CCNY: variants seen among roughly 807,000 people sequenced by gnomAD.
CCNY encodes the protein cyclin-Y.
CCNY carries 19 observed loss-of-function variants against 42.8 expected under a neutral mutation model. The observed-to-expected ratio is 0.44, with a 90% CI of 0.31 to 0.65. The LOEUF (loss-of-function observed/expected upper bound fraction) is 0.65. Ranked by LOEUF, CCNY falls within the 30% of genes least tolerant of loss-of-function variation. The pLI, the probability that CCNY is intolerant of heterozygous loss-of-function variation, is 0.07. For missense variants in CCNY, 370 were observed against 437.3 expected, an observed-to-expected ratio of 0.85 and a Z score of 1.37; for synonymous variants, 165 against 162.7, an observed-to-expected ratio of 1.01 and a Z score of -0.11.
chr10:35,366,721 C>G (rs1247824387), intron 1 of CCNY, among the ~76,000 whole-genome samples: 1 of 152,222 alleles, frequency 6.6e-6, no homozygotes, highest in Admixed American at 6.5e-5. Context: ...GTTATTAGAG[C>G]TTTCTGTGAT....
At chr10:35,430,472 G>GAGAA (rs1838366689) in intron 1 of CCNY, among the ~76,000 whole-genome samples, 1 of 152,060 alleles carries the variant, frequency 6.6e-6, no homozygotes, top group Non-Finnish European at 1.5e-5. Flanking sequence ...AGGAAAGAGG[G>GAGAA]AGAATGTGAT....
At chr10:35,253,041 T>C (rs2095713028) in intron 3 of CCNY, among the ~76,000 whole-genome samples, 1 of 152,174 alleles carries the variant, frequency 6.6e-6, no homozygotes, top group African/African-American at 2.4e-5. Flanking sequence ...CTTCTATTTA[T>C]GACAAAAATT....
At chr10:35,341,582 A>G (rs1016263987) in intron 1 of CCNY, among the ~76,000 whole-genome samples, 1 of 152,248 alleles carries the variant, frequency 6.6e-6, no homozygotes, top group African/African-American at 2.4e-5. Flanking sequence ...TACTATAAAT[A>G]TTTGTTGAAT....
chr10:35,348,719 T>C (rs190467081), intron 1 of CCNY, among the ~76,000 whole-genome samples: 1 of 152,308 alleles, frequency 6.6e-6, no homozygotes, highest in East Asian at 1.9e-4. Context: ...GGTGCTTTTA[T>C]TCTTAGCGAT....
At chr10:35,395,252 ATTGT>A (rs1379472569) in intron 1 of CCNY, among the ~76,000 whole-genome samples, 1 of 152,154 alleles carries the variant, frequency 6.6e-6, no homozygotes. Context: ...GTGTTGTTCC[ATTGT>A]TAGAGAAAAA....
chr10:35,549,563 G>A (rs878933249), intron 7 of CCNY, among the ~76,000 whole-genome samples: 4 of 145,434 alleles, frequency 2.8e-5, no homozygotes, highest in Non-Finnish European at 6.0e-5. Flanking sequence ...GTGACCCTGC[G>A]CTGCTCATGA....
At chr10:35,479,981 G>A (rs188002976) in intron 1 of CCNY, among the ~76,000 whole-genome samples, 6 of 151,978 alleles carry the variant, frequency 3.9e-5, no homozygotes, top group African/African-American at 1.4e-4. Context: ...TTCTGAGAAT[G>A]GTGGCTTTTC....
At chr10:35,263,847 A>G (rs1381082392) in intron 3 of CCNY, among the ~76,000 whole-genome samples, 2 of 152,220 alleles carry the variant, frequency 1.3e-5, no homozygotes, top group East Asian at 1.9e-4. Flanking sequence ...TACTCCCCCA[A>G]CAGGCCCTAG....
intron 1 of CCNY, among the ~76,000 whole-genome samples, chr10:35,450,283 G>C (rs1412398472): frequency 1.3e-5 from 2 of 152,138 alleles, no homozygotes; most frequent in African/African-American, 4.8e-5. Flanking sequence ...TTTGAGAGCA[G>C]GGAGTCCTTT....
intron 1 of CCNY, among the ~76,000 whole-genome samples, chr10:35,416,734 G>C (rs951101336): frequency 5.3e-5 from 8 of 152,074 alleles, no homozygotes; most frequent in African/African-American, 1.9e-4. Context: ...GGCTGAAATG[G>C]GGCCCAGTTG....
chr10:35,449,968 G>A (rs1349651792), intron 1 of CCNY, among the ~76,000 whole-genome samples: 1 of 152,204 alleles, frequency 6.6e-6, no homozygotes, highest in African/African-American at 2.4e-5. Context: ...CTCCAGCTGT[G>A]TACAGCTGCT....
At chr10:35,486,624 C>T (rs1839793640) in intron 2 of CCNY, among the ~76,000 whole-genome samples, 1 of 152,242 alleles carries the variant, frequency 6.6e-6, no homozygotes, top group South Asian at 2.1e-4. Flanking sequence ...CTTAACCTTT[C>T]TCAAGGGCTC....
intron 1 of CCNY, among the ~76,000 whole-genome samples, chr10:35,424,992 C>T (rs559916075): frequency 3.9e-5 from 6 of 152,282 alleles, no homozygotes; most frequent in East Asian, 3.9e-4. Flanking sequence ...GCTCCCACCC[C>T]GGTACAATGG....
chr10:35,302,250 CA>C (rs1835546204), intron 3 of CCNY, among the ~76,000 whole-genome samples: 1 of 150,984 alleles, frequency 6.6e-6, no homozygotes, highest in Non-Finnish European at 1.5e-5. Flanking sequence ...TGTAAGCCAC[CA>C]CGCCCATCCT....
chr10:35,269,633 TTTG>T (rs1835136544), intron 3 of CCNY, among the ~76,000 whole-genome samples: 1 of 118,228 alleles, frequency 8.5e-6, no homozygotes, highest in East Asian at 2.1e-4. Flanking sequence ...TTTTTTTTGT[TTTG>T]TTTTTTTTTT....
chr10:35,525,738 C>T (rs1840638485), intron 4 of CCNY, among the ~76,000 whole-genome samples: 1 of 151,840 alleles, frequency 6.6e-6, no homozygotes, highest in Non-Finnish European at 1.5e-5. Flanking sequence ...ACTTGAAGTT[C>T]TTTTGTTTCT....
At chr10:35,445,771 T>G (rs779927148) in intron 1 of CCNY, among the ~76,000 whole-genome samples, 1 of 152,244 alleles carries the variant, frequency 6.6e-6, no homozygotes, top group African/African-American at 2.4e-5. Flanking sequence ...ATAATCCTGC[T>G]GATACTTGTT....
intron 2 of CCNY, 116 bp from the exon 3 acceptor site, chr10:35,501,385 G>A (rs1840107256): frequency 1.3e-6 from 1 of 781,284 alleles, no homozygotes; most frequent in African/African-American, 1.7e-5. Flanking sequence ...ATGAGCAAGT[G>A]GGTATGTTGG....
In CCNY at chr10:35,307,903, C is replaced by T. The variant is rs186989891; in HGVS notation, c.-9+57277C>T. On this transcript the variant is annotated intron_variant, in intron 3 of 11. Transcript: ENST00000374706. ...CGCAATCTTGGCTCACTGCAACCTCCGCCTCCCGGGTTCAAGTGATTCTCC... is the reference window on the plus strand; with the variant it reads ...CGCAATCTTGGCTCACTGCAACCTCTGCCTCCCGGGTTCAAGTGATTCTCC... Among the ~76,000 whole-genome samples the T allele has an allele frequency of 6.7e-5, 10 of 149,950 alleles. No homozygotes were observed. The East Asian group carries it at 1.6e-3, about 24-fold the overall frequency.
Sources: gnomAD v4.1 joint callset for allele counts (sites outside exome capture counted in the v4.1 genomes callset) on GRCh38, gnomAD v4.1.1 for gene constraint, MANE v1.5 for transcripts, NCBI Gene and HGNC (gene_info 2026-07-23, HGNC 2026-07-21) for gene names.